The following MYO5A variants were observed in gnomAD, a reference collection of about 807,000 sequenced individuals.
MYO5A encodes myosin VA, also known as unconventional myosin-Va.
MYO5A carries 98 observed loss-of-function variants against 249.7 expected under a neutral mutation model. The ratio of observed to expected loss-of-function variants is 0.39; its 90% CI spans 0.33 to 0.46. The LOEUF (loss-of-function observed/expected upper bound fraction) is 0.46. Ranked by LOEUF, MYO5A falls within the 20% of genes least tolerant of loss-of-function variation. The pLI is 0.98. For synonymous variants in MYO5A, 778 were observed against 810.6 expected (o/e 0.96, Z 0.68); for missense variants, 1,696 against 2,308.8 (o/e 0.73, Z 5.44).
At chr15:52,323,626 A>C in intron 36 of MYO5A, 182 bp from the exon 37 acceptor site, 1 of 549,140 alleles carries the variant, frequency 1.8e-6, no homozygotes, top group Non-Finnish European at 3.3e-6. Context: ...GACCAGGTTC[A>C]TCAGTTTGTT....
chr15:52,346,710 A>G (rs1248249403), intron 29 of MYO5A: 3 of 569,606 alleles, frequency 5.3e-6, no homozygotes, highest in African/African-American at 3.7e-5. Context: ...AGATTCTACA[A>G]TGTCACGGCC....
intron 6 of MYO5A, 144 bp downstream of exon 6, chr15:52,410,189 A>G: frequency 9.9e-7 from 1 of 1,012,782 alleles, no homozygotes; most frequent in Non-Finnish European, 1.5e-6. Flanking sequence ...ACCATTTTAC[A>G]GGCTTCAGTC....
At chr15:52,505,224 C>G (rs2077243998) in intron 1 of MYO5A, 3 of 773,398 alleles carry the variant, frequency 3.9e-6, no homozygotes, top group Admixed American at 3.4e-5. Flanking sequence ...CCGCCGGCCT[C>G]CAGGTGCTCA....
At chr15:52,475,232 T>A (rs1316028454) in intron 1 of MYO5A, among the ~76,000 whole-genome samples, 1 of 152,232 alleles carries the variant, frequency 6.6e-6, no homozygotes, top group Non-Finnish European at 1.5e-5. Flanking sequence ...TCAGTGGTGA[T>A]ATCCCCTTTA....
rs531198053 is a variant in MYO5A, at chr15:52,451,062, A to T, written c.28-17777T>A. On this transcript the variant is annotated intron_variant, in intron 1 of 41. Transcript: ENST00000399233. ...CTGAACTCCAGACCCCTAGATCCACATTACTTCCTAAAATCTCTATTTAGA... is the reference window on the plus strand; with the variant it reads ...CTGAACTCCAGACCCCTAGATCCACTTTACTTCCTAAAATCTCTATTTAGA... Among the ~76,000 whole-genome samples, 26 of 152,010 alleles carry T rather than the reference A, an allele frequency of 1.7e-4. No homozygotes were observed. The South Asian group carries it at 3.1e-3, about 18-fold the overall frequency.
intron 20 of MYO5A, among the ~76,000 whole-genome samples, chr15:52,372,864 T>C (rs1473864274): frequency 6.6e-6 from 1 of 152,092 alleles, no homozygotes; most frequent in Non-Finnish European, 1.5e-5. Flanking sequence ...CTATGCATTA[T>C]TAGGCCCGTG....
chr15:52,415,600 T>C (rs558680007), intron 5 of MYO5A, among the ~76,000 whole-genome samples: 90 of 152,348 alleles, frequency 5.9e-4, no homozygotes, highest in African/African-American at 2.0e-3. Flanking sequence ...ATAAAGATCA[T>C]AGTTTAAGTT....
At chr15:52,423,290 T>A (rs552310695) in intron 4 of MYO5A, among the ~76,000 whole-genome samples, 1 of 152,140 alleles carries the variant, frequency 6.6e-6, no homozygotes, top group Non-Finnish European at 1.5e-5. Context: ...TGGTGGCTCA[T>A]GCCTGTAATC....
chr15:52,314,262 T>G (rs2037884374), intron 40 of MYO5A, 59 bp from the exon 41 acceptor site: 4 of 1,227,156 alleles, frequency 3.3e-6, no homozygotes, highest in South Asian at 1.2e-5. Context: ...ACTGGGTACC[T>G]ATAATCTGGA....
At chr15:52,395,302 A>G (rs977881299) in intron 11 of MYO5A, among the ~76,000 whole-genome samples, 1 of 152,100 alleles carries the variant, frequency 6.6e-6, no homozygotes, top group African/African-American at 2.4e-5. Context: ...TATTCTCCCT[A>G]TATTACTATT....
chr15:52,527,095 C>T (rs1362902221), intron 1 of MYO5A, among the ~76,000 whole-genome samples: 1 of 152,206 alleles, frequency 6.6e-6, no homozygotes, highest in East Asian at 1.9e-4. Context: ...ACATTCAAAG[C>T]CGTCCTGGGC....
At chr15:52,371,302 T>C (rs1329889573) in intron 21 of MYO5A, among the ~76,000 whole-genome samples, 6 of 152,190 alleles carry the variant, frequency 3.9e-5, no homozygotes, top group Admixed American at 6.5e-5. Context: ...ATCATTTACA[T>C]GTGCTAAAAT....
chr15:52,370,199 A>G lies in MYO5A; in HGVS notation c.3036T>C (p.His1012=). 1 of 1,614,088 alleles carries G rather than the reference A, an allele frequency of 6.2e-7. No homozygotes were observed. The highest frequency in any genetic ancestry group is 8.5e-7 in the Non-Finnish European group (1 of 1,179,970). ...CTGTTTCTTGTTTGTATCGATCTGC[A>G]TGTTCCTCAATGCATTTTTTCTCTG... is the stretch of plus-strand genomic sequence containing the variant. ...TRSEKKCIEE[H]ADRYKQETEQ... Residue 1012 remains histidine (H), a synonymous_variant, in exon 22 of 42, where the codon CAT becomes CAC. Coordinates refer to ENST00000399233, the MANE Select transcript of MYO5A (RefSeq NM_001382347.1).
chr15:52,479,624 T>C (rs1206606944), intron 1 of MYO5A, among the ~76,000 whole-genome samples: 2 of 152,230 alleles, frequency 1.3e-5, no homozygotes, highest in Non-Finnish European at 2.9e-5. Context: ...ATACTGTTAA[T>C]TGAGAAAGAG....
rs564930474 is a variant in MYO5A at position 52,414,388 on chromosome 15, G to A, written c.612+1757C>T. On this transcript the variant is annotated intron_variant, in intron 5 of 41. Transcript: ENST00000399233. ...GCTATAGTTATAGCAACACTAAATGGACTAAGACAGTAGCTATTCCAAATT... is the reference window on the plus strand; with the variant it reads ...GCTATAGTTATAGCAACACTAAATGAACTAAGACAGTAGCTATTCCAAATT... 4.1e-4 allele frequency among the ~76,000 whole-genome samples: 63 copies of A among 152,176 alleles called. 1 individual carries two copies. The highest frequency in any genetic ancestry group is 1.4e-3 in the African/African-American group (58 of 41,518).
chr15:52,315,070 C>T (rs1312246134), intron 40 of MYO5A, among the ~76,000 whole-genome samples: 1 of 152,072 alleles, frequency 6.6e-6, no homozygotes, highest in Non-Finnish European at 1.5e-5. Context: ...CTCTCGGAGG[C>T]AAGTATTTGA....
At chr15:52,441,976 C>T (rs1387395081) in intron 1 of MYO5A, among the ~76,000 whole-genome samples, 1 of 152,228 alleles carries the variant, frequency 6.6e-6, no homozygotes, top group Non-Finnish European at 1.5e-5. Flanking sequence ...TTCTGAAAGG[C>T]TCTGTAATTT....
chr15:52,371,558 A>G (rs2041115960), intron 21 of MYO5A, among the ~76,000 whole-genome samples: 1 of 152,206 alleles, frequency 6.6e-6, no homozygotes. Flanking sequence ...ACTCTTGGTC[A>G]TAAAGGTTTG....
chr15:52,380,845 C>T (rs538474675), intron 16 of MYO5A, among the ~76,000 whole-genome samples: 1 of 152,298 alleles, frequency 6.6e-6, no homozygotes, highest in South Asian at 2.1e-4. Flanking sequence ...AAGAAGCTCT[C>T]AGAAGTCATT....
Sources: allele counts gnomAD v4.1 joint callset (sites outside exome capture counted in the v4.1 genomes callset), GRCh38; gene constraint gnomAD v4.1.1; transcripts MANE v1.5; gene names NCBI Gene and HGNC (gene_info 2026-07-23, HGNC 2026-07-21).